NFASC: variants seen among roughly 807,000 people sequenced by gnomAD.
NFASC encodes neurofascin homolog.
Under a neutral mutation model 147.5 loss-of-function variants are expected in NFASC, and 43 were observed. The observed-to-expected ratio is 0.29, with a 90% CI of 0.23 to 0.38. NFASC has a LOEUF of 0.38. NFASC is among the 10% of genes least tolerant of loss of function. NFASC has a pLI of 1.00. For synonymous variants in NFASC, 622 were observed against 665.5 expected (o/e 0.93, Z 1.01); for missense variants, 1,320 against 1,689.0 (o/e 0.78, Z 3.83).
At chr1:204,943,231 A>G (rs1485977637) in intron 2 of NFASC, among the ~76,000 whole-genome samples, 2 of 152,200 alleles carry the variant, frequency 1.3e-5, no homozygotes, top group South Asian at 2.1e-4. Context: ...TTTAAAGTGT[A>G]TGTTTCAGAA....
At chr1:204,962,277 A>ACCTTGGC in intron 8 of NFASC, 1 of 848,846 alleles carries the variant, frequency 1.2e-6, no homozygotes, top group Non-Finnish European at 2.0e-6. Context: ...CCAGGGTGCC[A>ACCTTGGC]AGGTGACACC....
intron 1 of NFASC, among the ~76,000 whole-genome samples, chr1:204,843,220 A>G (rs932634345): frequency 2.0e-5 from 3 of 152,198 alleles, no homozygotes; most frequent in African/African-American, 7.2e-5. Context: ...GGGACAGACC[A>G]ATATAGGCCA....
chr1:204,993,120 G>A (rs1375486617), intron 24 of NFASC, among the ~76,000 whole-genome samples: 3 of 152,196 alleles, frequency 2.0e-5, no homozygotes, highest in Non-Finnish European at 4.4e-5. Flanking sequence ...TCTGACGTGG[G>A]CCTGGCGTCC....
intron 3 of NFASC, among the ~76,000 whole-genome samples, chr1:204,949,138 AC>A (rs959853059): frequency 6.6e-6 from 1 of 152,226 alleles, no homozygotes; most frequent in African/African-American, 2.4e-5. Context: ...TAGGGGCCAC[AC>A]GAAATAATTA....
intron 1 of NFASC, among the ~76,000 whole-genome samples, chr1:204,906,823 A>G (rs2086054020): frequency 6.6e-6 from 1 of 151,846 alleles, no homozygotes; most frequent in African/African-American, 2.4e-5. Flanking sequence ...AGCTGGGACT[A>G]CAGGCACCCG....
At chr1:204,942,214 T>A (rs1459959605) in intron 2 of NFASC, among the ~76,000 whole-genome samples, 2 of 152,140 alleles carry the variant, frequency 1.3e-5, no homozygotes, top group Non-Finnish European at 2.9e-5. Context: ...AAGTAAAGGG[T>A]GTGCAGGAGC....
chr1:204,987,380 T>G lies in NFASC; in HGVS notation c.2471-38T>G. On this transcript the variant is annotated intron_variant, in intron 21 of 29. Transcript: ENST00000339876. This position sits in a 1 kb window ranked among gnomAD's most constrained non-coding sequence, Gnocchi z 4.4. ...TGTTTTCCTCATCCTCCCTGCCCCC[T>G]CCCCCTCATCTCCCCTGCTCTCTCC... The G allele has an allele frequency of 6.6e-7, 1 of 1,518,680 alleles. No individual in the cohort carries two copies. The highest frequency in any genetic ancestry group is 9.1e-7 in the Non-Finnish European group (1 of 1,097,498). 94.1% of individuals were successfully genotyped at this position (1,518,680 alleles called of 1,614,324 possible). A position where few individuals can be genotyped will look rare whatever the true frequency, so the allele number is the denominator to read the frequency against.
chr1:204,920,641 C>T lies in NFASC; in HGVS notation c.-190C>T, dbSNP rs1334289996. 7.8e-7 allele frequency: 1 copy of T among 1,287,614 alleles called. No individual in the cohort carries two copies. Among genetic ancestry groups the T allele is most frequent in the African/African-American group, 1.5e-5 (1 of 65,754 alleles). 79.8% of individuals were successfully genotyped at this position (1,287,614 alleles called of 1,614,324 possible). The stretch of plus-strand genomic sequence containing the variant: ...TGCTTGCTTGAGACAGGTTGATTGA[C>T]TTATGTGCAATTTGGGACGCTGGAG... On this transcript the variant is annotated 5_prime_UTR_variant, in exon 2 of 30. Coordinates refer to ENST00000339876, the MANE Select transcript of NFASC (RefSeq NM_001005388.3).
At chr1:204,833,405 T>C (rs1672792435) in intron 1 of NFASC, among the ~76,000 whole-genome samples, 1 of 152,180 alleles carries the variant, frequency 6.6e-6, no homozygotes, top group South Asian at 2.1e-4. Context: ...TTTGTTTGAC[T>C]TCAAAGCCTG....
chr1:204,974,565 C>G, intron 13 of NFASC, 92 bp from the exon 14 acceptor site: 1 of 1,409,550 alleles, frequency 7.1e-7, no homozygotes, highest in South Asian at 1.2e-5. Flanking sequence ...GCTCCTTCCA[C>G]AGCCCCCATG....
At chr1:204,845,749 T>A (rs998339079) in intron 1 of NFASC, among the ~76,000 whole-genome samples, 1 of 151,312 alleles carries the variant, frequency 6.6e-6, no homozygotes, top group Non-Finnish European at 1.5e-5. Flanking sequence ...AAAAATTTTT[T>A]AAAAATCAGC....
In NFASC at chr1:204,987,190, T is replaced by C. The variant is rs2095632636; in HGVS notation, c.2471-228T>C. 3.6e-6 allele frequency: 2 copies of C among 560,582 alleles called. No homozygotes were observed. Among genetic ancestry groups the C allele is most frequent in the East Asian group, 2.9e-5 (1 of 34,638 alleles). 34.7% of individuals were successfully genotyped at this position (560,582 alleles called of 1,614,324 possible). ...CTGATTTACTTCTTCCTCTCTTAAA[T>C]AGCAGAGTCTGAGCTATGTTTGTCC... On this transcript the variant is annotated intron_variant, in intron 21 of 29. Coordinates refer to ENST00000339876, the MANE Select transcript of NFASC (RefSeq NM_001005388.3). This position sits in a 1 kb window ranked among gnomAD's most constrained non-coding sequence, Gnocchi z 4.4.
At chr1:204,888,936 C>T (rs986552526) in intron 1 of NFASC, among the ~76,000 whole-genome samples, 1 of 152,152 alleles carries the variant, frequency 6.6e-6, no homozygotes, top group Non-Finnish European at 1.5e-5. Context: ...AAGCCTCATG[C>T]TTTCTGCTTC....
chr1:205,015,303 G>C lies in NFASC; in HGVS notation c.3492-1005G>C, dbSNP rs908369214. On this transcript the variant is annotated intron_variant, in intron 29 of 29. Coordinates refer to ENST00000339876, the MANE Select transcript of NFASC (RefSeq NM_001005388.3). This position sits in a 1 kb window ranked among gnomAD's most constrained non-coding sequence, Gnocchi z 4.0. ...CACCACTGAGACCCAGACTCCCACTGCTCAGACCCAGACTCCCACTGCTCA... is the reference window on the plus strand; with the variant it reads ...CACCACTGAGACCCAGACTCCCACTCCTCAGACCCAGACTCCCACTGCTCA... 4.6e-5 allele frequency among the ~76,000 whole-genome samples: 7 copies of C among 151,932 alleles called. No individual in the cohort carries two copies. Among genetic ancestry groups the C allele is most frequent in the Non-Finnish European group, 7.4e-5 (5 of 67,996 alleles).
rs75567157 is a variant in NFASC at position 204,842,374 on chromosome 1, T to C, written c.-200+13592T>C. On this transcript the variant is annotated intron_variant, in intron 1 of 29. Transcript: ENST00000339876. The stretch of plus-strand genomic sequence containing the variant: ...CAAAGTTTACTTAAAGTACAGAGTG[T>C]TTAAGCACTGTATTGCTTCAATTTG... Among the ~76,000 whole-genome samples the C allele has an allele frequency of 3.5e-3, 532 of 152,374 alleles. 19 individuals are homozygous for C. The highest frequency in any genetic ancestry group is 0.027 in the Admixed American group (406 of 15,308).
intron 1 of NFASC, among the ~76,000 whole-genome samples, chr1:204,920,312 G>A (rs866559401): frequency 5.3e-5 from 8 of 152,112 alleles, no homozygotes; most frequent in South Asian, 2.1e-4. Flanking sequence ...GAGATTCTTC[G>A]AGGTATGGCT....
intron 8 of NFASC, among the ~76,000 whole-genome samples, chr1:204,965,283 A>G (rs1322081543): frequency 6.6e-6 from 1 of 152,164 alleles, no homozygotes; most frequent in Non-Finnish European, 1.5e-5. Context: ...TCATCTAGTA[A>G]TCACTGTTGT....
chr1:204,893,501 G>A (rs778947619), intron 1 of NFASC, among the ~76,000 whole-genome samples: 8 of 152,152 alleles, frequency 5.3e-5, no homozygotes, highest in Non-Finnish European at 7.3e-5. Context: ...GGAAACAAAC[G>A]TCTGCAGAAT....
intron 10 of NFASC, among the ~76,000 whole-genome samples, chr1:204,969,476 A>G (rs886192933): frequency 6.6e-6 from 1 of 152,182 alleles, no homozygotes; most frequent in African/African-American, 2.4e-5. Context: ...GCACCAGAGC[A>G]CGTGTCGTCA....
Sources: allele counts gnomAD v4.1 joint callset (sites outside exome capture counted in the v4.1 genomes callset), GRCh38; gene constraint gnomAD v4.1.1; non-coding constraint Gnocchi (gnomAD v3.1); transcripts MANE v1.5; gene names NCBI Gene and HGNC (gene_info 2026-07-23, HGNC 2026-07-21).